The following ITPR1 variants were observed in gnomAD, a reference collection of about 807,000 sequenced individuals.
ITPR1 encodes the protein inositol 1,4,5-trisphosphate receptor type 1, also known as inositol 1,4,5-trisphosphate-gated calcium channel ITPR1.
In ITPR1, 96 loss-of-function variants were observed where a neutral mutation model predicts 318.4. The observed-to-expected ratio is 0.30, with a 90% CI of 0.26 to 0.36. ITPR1 has a LOEUF of 0.36. Ranked by LOEUF, ITPR1 falls within the 10% of genes least tolerant of loss-of-function variation. ITPR1 has a pLI of 1.00. For synonymous variants in ITPR1, 1,312 were observed against 1,289.9 expected (o/e 1.02, Z -0.37); for missense variants, 2,440 against 3,460.2 (o/e 0.71, Z 7.40).
rs1309795227 is a variant in ITPR1, at chr3:4,846,379, A to G, written c.*154A>G. On this transcript the variant is annotated 3_prime_UTR_variant, in exon 62 of 62. Coordinates refer to ENST00000649015, the MANE Select transcript of ITPR1 (RefSeq NM_001378452.1). ...CTGTATGTATATGATTGCTACTCTAAAGGTTTGGATATATGTATTGTAATT... is the reference window on the plus strand; with the variant it reads ...CTGTATGTATATGATTGCTACTCTAGAGGTTTGGATATATGTATTGTAATT... The G allele has an allele frequency of 2.2e-6, 1 of 445,744 alleles. No individual in the cohort carries two copies. The highest frequency in any genetic ancestry group is 4.0e-6 in the Non-Finnish European group (1 of 252,262). 27.6% of individuals were successfully genotyped at this position (445,744 alleles called of 1,614,324 possible).
intron 44 of ITPR1, among the ~76,000 whole-genome samples, chr3:4,761,272 C>CCCCTTG (rs2045425599): frequency 1.3e-5 from 2 of 152,170 alleles, no homozygotes; most frequent in Admixed American, 1.3e-4. Context: ...CTTGCCCCCG[C>CCCCTTG]CCAGGCACTC....
At chr3:4,629,417 A>G (rs1360251556) in intron 5 of ITPR1, among the ~76,000 whole-genome samples, 1 of 152,124 alleles carries the variant, frequency 6.6e-6, no homozygotes, top group African/African-American at 2.4e-5. Flanking sequence ...TCTCCATGAT[A>G]GCACCCTGCT....
At chr3:4,724,319 A>T (rs577259761) in intron 40 of ITPR1, 1 of 152,362 alleles carries the variant, frequency 6.6e-6, no homozygotes, top group South Asian at 2.1e-4. Context: ...ATAATATAGC[A>T]GCCCTATATT....
chr3:4,842,363 G>T (rs1260702680), intron 61 of ITPR1, among the ~76,000 whole-genome samples: 1 of 152,126 alleles, frequency 6.6e-6, no homozygotes, highest in African/African-American at 2.4e-5. Context: ...TTTGGTTTGG[G>T]TTTTTTGCTT....
intron 4 of ITPR1, among the ~76,000 whole-genome samples, chr3:4,549,836 G>A (rs547782427): frequency 2.6e-5 from 4 of 152,268 alleles, no homozygotes; most frequent in African/African-American, 9.6e-5. Context: ...CCATGGAGGT[G>A]ATTCTGACTC....
chr3:4,828,869 T>C (rs1457424871), intron 60 of ITPR1, among the ~76,000 whole-genome samples: 1 of 152,166 alleles, frequency 6.6e-6, no homozygotes, highest in Non-Finnish European at 1.5e-5. Flanking sequence ...GACTGACACC[T>C]TGATTTATGC....
chr3:4,657,164 C>T (rs184053854), intron 12 of ITPR1, among the ~76,000 whole-genome samples: 132 of 152,352 alleles, frequency 8.7e-4, no homozygotes, highest in African/African-American at 3.0e-3. Flanking sequence ...CAGGGCTACG[C>T]TGACTTCTCA....
chr3:4,795,201 T>A lies in ITPR1; in HGVS notation c.6931+14T>A. 1 of 1,609,916 alleles carries A rather than the reference T, an allele frequency of 6.2e-7. No individual in the cohort carries two copies. The highest frequency in any genetic ancestry group is 8.5e-7 in the Non-Finnish European group (1 of 1,178,234). ...GAGTCCGAGGAGGTACCCATATCTT[T>A]AACTTCAAAAATCCTATTAGAAGCA... On this transcript the variant is annotated intron_variant, in intron 53 of 61. Coordinates refer to ENST00000649015, the MANE Select transcript of ITPR1 (RefSeq NM_001378452.1).
intron 21 of ITPR1, 92 bp from the exon 22 acceptor site, chr3:4,674,109 AG>A (rs1369609628): frequency 1.1e-6 from 1 of 940,444 alleles, no homozygotes; most frequent in South Asian, 1.6e-5. Context: ...GCCAAGGGTT[AG>A]GGGATGTTGA....
chr3:4,769,309 C>T (rs1307815754), intron 46 of ITPR1, among the ~76,000 whole-genome samples: 1 of 152,114 alleles, frequency 6.6e-6, no homozygotes, highest in Admixed American at 6.5e-5. Context: ...AACATAGGTG[C>T]CTGCCCCATA....
At chr3:4,611,451 T>C (rs961906348) in intron 4 of ITPR1, among the ~76,000 whole-genome samples, 2 of 151,734 alleles carry the variant, frequency 1.3e-5, no homozygotes, top group Non-Finnish European at 2.9e-5. Context: ...TCCTAGCTAC[T>C]TGGGAGGCTG....
chr3:4,536,993 G>A (rs1192302540), intron 4 of ITPR1, among the ~76,000 whole-genome samples: 1 of 152,208 alleles, frequency 6.6e-6, no homozygotes, highest in East Asian at 1.9e-4. Flanking sequence ...TTGCATGAAG[G>A]ACAGGAGTGC....
chr3:4,651,588 C>T lies in ITPR1; in HGVS notation c.856-535C>T, dbSNP rs138945540. ...TATCCAGTTTTCTAGTTGTCTATGG[C>T]AATTTCATCTATTCTCTGCAGTGTC... On this transcript the variant is annotated intron_variant, in intron 10 of 61. Transcript: ENST00000649015. Among the ~76,000 whole-genome samples, 913 of 152,330 alleles carry T rather than the reference C, an allele frequency of 6.0e-3. 2 individuals carry two copies. The highest frequency in any genetic ancestry group is 0.027 in the Middle Eastern group (8 of 294).
chr3:4,733,034 C>G, intron 42 of ITPR1, 54 bp from the exon 43 acceptor site: 1 of 1,569,380 alleles, frequency 6.4e-7, no homozygotes, highest in South Asian at 1.2e-5. Flanking sequence ...AATATTCGTC[C>G]CTCGGTGATG....
chr3:4,685,183 C>G lies in ITPR1; in HGVS notation c.3679C>G (p.Leu1227Val). 1 of 1,605,020 alleles carries G rather than the reference C, an allele frequency of 6.2e-7. No individual in the cohort carries two copies. Among genetic ancestry groups the G allele is most frequent in the Middle Eastern group, 1.7e-4 (1 of 6,052 alleles). ...GGGCGCGCACGCCGTGGTGCTGGAGCTGCTGCAGATTCCCTATGAGAAGGT... is the reference window on the plus strand; with the variant it reads ...GGGCGCGCACGCCGTGGTGCTGGAGGTGCTGCAGATTCCCTATGAGAAGGT... ...NMGAHAVVLE[L>V]LQIPYEKAED... The change falls in exon 30 of 62, where the codon CTG becomes GTG. Residue 1227 changes from leucine to valine, a missense_variant. Physicochemically the swap from Leu to Val is conservative, Grantham distance 32. This residue lies in a region of ITPR1 where 222 missense variants were observed against 318.8 expected (regional missense o/e 0.70). Transcript: ENST00000649015.
At chr3:4,809,065 T>C (rs1336056741) in intron 55 of ITPR1, among the ~76,000 whole-genome samples, 3 of 152,174 alleles carry the variant, frequency 2.0e-5, no homozygotes, top group African/African-American at 7.2e-5. Flanking sequence ...AACAGCGCAA[T>C]CCTGTGTTTT....
rs765853714 is a variant in ITPR1, at chr3:4,667,365, C to T, written c.1714-12C>T. On this transcript the variant is annotated splice_polypyrimidine_tract_variant and intron_variant, in intron 17 of 61. Coordinates refer to ENST00000649015, the MANE Select transcript of ITPR1 (RefSeq NM_001378452.1). ...TCCTTCCTACTGACGTCTCTTTTCT[C>T]TCCTTATAAAGGAGTATATAGCCAA... 2.5e-6 allele frequency: 4 copies of T among 1,587,800 alleles called. No individual in the cohort carries two copies. The African/African-American group carries it at 5.4e-5, about 21-fold the overall frequency.
intron 2 of ITPR1, among the ~76,000 whole-genome samples, chr3:4,513,509 C>T (rs188518030): frequency 3.2e-3 from 493 of 152,264 alleles, no homozygotes; most frequent in Non-Finnish European, 5.7e-3. Context: ...GGATCATTAG[C>T]TGTGGTGGGT....
At chr3:4,778,354 C>T (rs534837658) in intron 48 of ITPR1, among the ~76,000 whole-genome samples, 49 of 152,288 alleles carry the variant, frequency 3.2e-4, no homozygotes, top group Admixed American at 9.2e-4. Flanking sequence ...TCCGCAGCAG[C>T]GAGCACTTCA....
Sources: allele counts gnomAD v4.1 joint callset (sites outside exome capture counted in the v4.1 genomes callset), GRCh38; gene constraint gnomAD v4.1.1; regional missense constraint gnomAD v4.1.1; transcripts MANE v1.5; gene names NCBI Gene and HGNC (gene_info 2026-07-23, HGNC 2026-07-21).